Variants in SLCO1B1 observed in about 807,000 individuals in gnomAD.
SLCO1B1 encodes the protein OATP-2.
In SLCO1B1, 81 loss-of-function variants were observed where a neutral mutation model predicts 70.1. That is an observed-to-expected ratio of 1.16 (90% CI 0.97 to 1.39). The LOEUF is 1.39. Among genes scored for constraint, SLCO1B1 ranks in the 40% most tolerant of loss-of-function variants. SLCO1B1 has a pLI of 0.00. For missense variants in SLCO1B1, 895 were observed against 799.6 expected (o/e 1.12, Z -1.44); for synonymous variants, 283 against 271.5 (o/e 1.04, Z -0.42).
chr12:21,192,461 G>C (rs886178596), intron 7 of SLCO1B1, among the ~76,000 whole-genome samples: 10 of 151,212 alleles, frequency 6.6e-5, no homozygotes, highest in African/African-American at 2.4e-4. Flanking sequence ...TATTTTGTTT[G>C]TTTGAGTCTT....
At chr12:21,163,942 G>GAAAAA (rs10718437) in intron 2 of SLCO1B1, among the ~76,000 whole-genome samples, 1 of 146,232 alleles carries the variant, frequency 6.8e-6, no homozygotes, top group Non-Finnish European at 1.5e-5. Context: ...ACAAATCACT[G>GAAAAA]AAAAAAAAAA....
At chr12:21,194,742 C>A (rs911363093) in intron 7 of SLCO1B1, among the ~76,000 whole-genome samples, 1 of 152,176 alleles carries the variant, frequency 6.6e-6, no homozygotes, top group Non-Finnish European at 1.5e-5. Context: ...CTGTGTTAGG[C>A]CATTCTGGCA....
chr12:21,174,443 C>T (rs1940793785), intron 3 of SLCO1B1, 134 bp from the exon 4 acceptor site: 3 of 827,312 alleles, frequency 3.6e-6, no homozygotes, highest in Non-Finnish European at 5.9e-6. Context: ...GTGAATTCAC[C>T]TTCTCAATTA....
At chr12:21,195,255 A>G (rs1565678883) in intron 7 of SLCO1B1, among the ~76,000 whole-genome samples, 1 of 152,150 alleles carries the variant, frequency 6.6e-6, no homozygotes, top group Non-Finnish European at 1.5e-5. Context: ...TCTTTTTGTT[A>G]GGAACTTTCA....
At chr12:21,189,726 GT>G (rs1319593902) in intron 7 of SLCO1B1, among the ~76,000 whole-genome samples, 1 of 152,046 alleles carries the variant, frequency 6.6e-6, no homozygotes, top group African/African-American at 2.4e-5. Context: ...GGGATTACAG[GT>G]TATCAGCCAC....
intron 11 of SLCO1B1, among the ~76,000 whole-genome samples, chr12:21,209,745 G>C (rs1941257236): frequency 6.6e-6 from 1 of 150,708 alleles, no homozygotes; most frequent in Non-Finnish European, 1.5e-5. Context: ...TTTAATGATT[G>C]CCATTCTAAC....
At chr12:21,133,605 G>A (rs1232425066) in intron 1 of SLCO1B1, among the ~76,000 whole-genome samples, 1 of 152,078 alleles carries the variant, frequency 6.6e-6, no homozygotes, top group African/African-American at 2.4e-5. Flanking sequence ...TTGTGAATGG[G>A]AGTTCACTCA....
At chr12:21,233,889 G>T (rs936890540) in intron 14 of SLCO1B1, among the ~76,000 whole-genome samples, 3 of 152,182 alleles carry the variant, frequency 2.0e-5, no homozygotes, top group Non-Finnish European at 4.4e-5. Flanking sequence ...TGAACCATGG[G>T]CAGGTAGGCA....
At chr12:21,208,234 C>G (rs1250633259) in intron 11 of SLCO1B1, among the ~76,000 whole-genome samples, 1 of 151,896 alleles carries the variant, frequency 6.6e-6, no homozygotes, top group Non-Finnish European at 1.5e-5. Flanking sequence ...AGAATCTTTT[C>G]TTGGTTTTCT....
At chr12:21,195,223 T>C (rs1457225042) in intron 7 of SLCO1B1, among the ~76,000 whole-genome samples, 1 of 152,168 alleles carries the variant, frequency 6.6e-6, no homozygotes, top group Admixed American at 6.5e-5. Context: ...CTCTCAAATT[T>C]TGATTCTTTT....
chr12:21,151,439 C>A (rs574141689), intron 2 of SLCO1B1, among the ~76,000 whole-genome samples: 2 of 152,208 alleles, frequency 1.3e-5, no homozygotes, highest in East Asian at 3.9e-4. Flanking sequence ...ATTTATAATA[C>A]TTTCCTTCCA....
intron 7 of SLCO1B1, among the ~76,000 whole-genome samples, chr12:21,181,801 T>G (rs1940902274): frequency 1.3e-5 from 2 of 152,186 alleles, no homozygotes; most frequent in South Asian, 4.2e-4. Context: ...TGAAAAAATT[T>G]GGGGAGATTT....
chr12:21,206,765 A>C (rs922577262), intron 11 of SLCO1B1, among the ~76,000 whole-genome samples: 1 of 151,920 alleles, frequency 6.6e-6, no homozygotes, highest in African/African-American at 2.4e-5. Flanking sequence ...TCCCATACCT[A>C]CAATCCACTC....
At chr12:21,176,740 A>G in intron 4 of SLCO1B1, 36 bp from the exon 5 acceptor site, 1 of 1,460,734 alleles carries the variant, frequency 6.8e-7, no homozygotes, top group South Asian at 1.1e-5. Context: ...TATTCAGTAG[A>G]TAAGCAAAAT....
In SLCO1B1 at chr12:21,197,016, A is replaced by G; in HGVS notation, c.798A>G (p.Gly266=). The part of the protein sequence containing the change: ...GAWWLNFLVS[G]LFSIISSIPF... ...GGTGGCTTAATTTCCTTGTGTCTGG[A>G]CTATTCTCCATTATTTCTTCCATAC... The change falls in exon 8 of 15, where the codon GGA becomes GGG. Residue 266 remains glycine, a synonymous_variant. Transcript: ENST00000256958. 6.2e-7 allele frequency: 1 copy of G among 1,613,616 alleles called. No homozygotes were observed. Among genetic ancestry groups the G allele is most frequent in the Non-Finnish European group, 8.5e-7 (1 of 1,179,654 alleles).
intron 14 of SLCO1B1, among the ~76,000 whole-genome samples, chr12:21,236,463 A>C (rs1202173511): frequency 1.3e-5 from 2 of 152,162 alleles, no homozygotes; most frequent in Non-Finnish European, 2.9e-5. Flanking sequence ...CTTTAGATAG[A>C]AAGGTGGTGC....
Position 21,198,444 on chromosome 12 carries a change from A to G in SLCO1B1, c.970+1256A>G, listed in dbSNP as rs546564939. Among the ~76,000 whole-genome samples, 22 of 152,216 alleles carry G rather than the reference A, an allele frequency of 1.4e-4. No individual in the cohort carries two copies. In the South Asian group the frequency reaches 4.3e-3, roughly 30 times the overall value. On this transcript the variant is annotated intron_variant, in intron 8 of 14. Coordinates refer to ENST00000256958, the MANE Select transcript of SLCO1B1 (RefSeq NM_006446.5). ...TGATGTTTCTACTGTACCAAATCAA[A>G]TCTTTAAAAAATAGTAGATTGTCTA... is the stretch of plus-strand genomic sequence containing the variant.
At chr12:21,139,437 T>G (rs967309954) in intron 1 of SLCO1B1, among the ~76,000 whole-genome samples, 1 of 152,192 alleles carries the variant, frequency 6.6e-6, no homozygotes, top group African/African-American at 2.4e-5. Flanking sequence ...TATGGGTTTC[T>G]GTATTCAACC....
At chr12:21,170,357 T>C (rs1006674001) in intron 2 of SLCO1B1, among the ~76,000 whole-genome samples, 1 of 152,186 alleles carries the variant, frequency 6.6e-6, no homozygotes, top group Non-Finnish European at 1.5e-5. Context: ...TTGTAATTGG[T>C]TCTGAAGTTC....
Sources: gnomAD v4.1 joint callset for allele counts (sites outside exome capture counted in the v4.1 genomes callset) on GRCh38, gnomAD v4.1.1 for gene constraint, MANE v1.5 for transcripts, NCBI Gene and HGNC (gene_info 2026-07-23, HGNC 2026-07-21) for gene names.